Variants in TMEM132D observed in about 807,000 individuals in gnomAD.
The protein encoded by TMEM132D is mature OL transmembrane protein.
A neutral mutation model predicts 62.3 loss-of-function variants in TMEM132D; 21 were observed. The observed-to-expected ratio is 0.34, with a 90% CI of 0.24 to 0.49. The LOEUF is 0.49. Among genes scored for constraint, TMEM132D ranks in the 20% least tolerant of loss-of-function variants. The probability of loss-of-function intolerance (pLI) is 0.99; values close to 1 mark genes in which losing one functional copy is unlikely to be tolerated. For synonymous variants in TMEM132D, 621 were observed against 575.6 expected, an observed-to-expected ratio of 1.08 and a Z score of -1.13; for missense variants, 1,346 against 1,402.8, an observed-to-expected ratio of 0.96 and a Z score of 0.65.
chr12:129,679,332 A>C (rs902063152), intron 2 of TMEM132D, among the ~76,000 whole-genome samples: 2 of 152,100 alleles, frequency 1.3e-5, no homozygotes, highest in African/African-American at 2.4e-5. Context: ...GTTTTGTATT[A>C]ATATTTTGTC....
At chr12:129,664,772 G>A (rs1355695976) in intron 2 of TMEM132D, among the ~76,000 whole-genome samples, 1 of 152,008 alleles carries the variant, frequency 6.6e-6, no homozygotes. Flanking sequence ...TTCAGAGAAG[G>A]TAGAAATCCT....
chr12:129,336,816 C>G (rs73151008), intron 4 of TMEM132D, among the ~76,000 whole-genome samples: 4,237 of 152,276 alleles, frequency 0.028, 214 homozygotes, highest in East Asian at 0.24. Context: ...AGGGCAGCAG[C>G]AGGAGGTGCT....
chr12:129,159,188 G>T (rs1468341226), intron 5 of TMEM132D, among the ~76,000 whole-genome samples: 1 of 152,108 alleles, frequency 6.6e-6, no homozygotes, highest in African/African-American at 2.4e-5. Context: ...GCAAGTATTT[G>T]GTTCTGTTAC....
At chr12:129,544,291 G>T (rs1876673204) in intron 2 of TMEM132D, among the ~76,000 whole-genome samples, 1 of 151,974 alleles carries the variant, frequency 6.6e-6, no homozygotes, top group South Asian at 2.1e-4. Flanking sequence ...TGTTTTTATT[G>T]TTTATTAGGA....
chr12:129,578,425 T>TGTGTGTGC (rs1877741774), intron 2 of TMEM132D, among the ~76,000 whole-genome samples: 2 of 149,414 alleles, frequency 1.3e-5, no homozygotes, highest in Non-Finnish European at 3.0e-5. Flanking sequence ...TGTGTGTGTG[T>TGTGTGTGC]ATATATATAT....
chr12:129,768,125 A>G (rs1870614203), intron 1 of TMEM132D, among the ~76,000 whole-genome samples: 3 of 152,152 alleles, frequency 2.0e-5, no homozygotes, highest in Admixed American at 2.0e-4. Flanking sequence ...TCATGAAGAG[A>G]TTTCTTTGGG....
intron 3 of TMEM132D, among the ~76,000 whole-genome samples, chr12:129,529,217 G>A (rs1379030297): frequency 6.6e-6 from 1 of 152,168 alleles, no homozygotes; most frequent in Non-Finnish European, 1.5e-5. Context: ...GATAAGGAAT[G>A]GTCTTCACTT....
chr12:129,179,169 A>G (rs1395448267), intron 5 of TMEM132D, among the ~76,000 whole-genome samples: 2 of 152,192 alleles, frequency 1.3e-5, no homozygotes, highest in Non-Finnish European at 2.9e-5. Context: ...GTGATCTCAA[A>G]GGAGGATGGA....
intron 2 of TMEM132D, among the ~76,000 whole-genome samples, chr12:129,617,200 T>A (rs925324593): frequency 6.6e-6 from 1 of 152,184 alleles, no homozygotes; most frequent in African/African-American, 2.4e-5. Context: ...AAGGCCATGG[T>A]ACCAACGATT....
chr12:129,587,207 C>T (rs907960187), intron 2 of TMEM132D, among the ~76,000 whole-genome samples: 1 of 152,012 alleles, frequency 6.6e-6, no homozygotes, highest in Non-Finnish European at 1.5e-5. Flanking sequence ...TACTATGCAG[C>T]CATAAAAAAG....
chr12:129,085,934 A>T (rs886273474), intron 5 of TMEM132D: 7 of 152,246 alleles, frequency 4.6e-5, no homozygotes, highest in Admixed American at 1.3e-4. Flanking sequence ...TGTCTTCGGG[A>T]GAGTGTGGGA....
At chr12:129,737,073 C>T (rs1869450602) in intron 1 of TMEM132D, among the ~76,000 whole-genome samples, 1 of 152,210 alleles carries the variant, frequency 6.6e-6, no homozygotes, top group Non-Finnish European at 1.5e-5. Context: ...GCCTCAGCAT[C>T]CCAAAGTGCT....
chr12:129,489,464 T>C (rs1280233398), intron 3 of TMEM132D, among the ~76,000 whole-genome samples: 1 of 152,246 alleles, frequency 6.6e-6, no homozygotes, highest in Non-Finnish European at 1.5e-5. Context: ...GTCATAATTT[T>C]GAGATACTGT....
At chr12:129,522,932 T>C (rs1036461912) in intron 3 of TMEM132D, among the ~76,000 whole-genome samples, 2 of 135,116 alleles carry the variant, frequency 1.5e-5, no homozygotes, top group African/African-American at 2.8e-5. Flanking sequence ...ATAGATTAGA[T>C]ATATATGTAG....
At chr12:129,695,236 G>T (rs968768310) in intron 2 of TMEM132D, among the ~76,000 whole-genome samples, 4 of 152,162 alleles carry the variant, frequency 2.6e-5, no homozygotes, top group Non-Finnish European at 5.9e-5. Flanking sequence ...GACAGCCAAG[G>T]GGGGCAGCAG....
At chr12:129,797,216 T>C (rs2137303118) in intron 1 of TMEM132D, among the ~76,000 whole-genome samples, 1 of 152,282 alleles carries the variant, frequency 6.6e-6, no homozygotes, top group East Asian at 1.9e-4. Flanking sequence ...CCCTCTTTAC[T>C]TTCAGGGTCT....
intron 3 of TMEM132D, among the ~76,000 whole-genome samples, chr12:129,343,860 G>A (rs1869597019): frequency 6.6e-6 from 1 of 152,092 alleles, no homozygotes. Flanking sequence ...GAACACAGGA[G>A]GCAGAGGTTG....
rs376534965 is a variant in TMEM132D at position 129,130,015 on chromosome 12, C to CTGTGTGTGTGTCTGTGTGTG, written c.1444-45314_1444-45313insCACACACAGACACACACACA. Among the ~76,000 whole-genome samples the CTGTGTGTGTGTCTGTGTGTG allele has an allele frequency of 3.8e-3, 535 of 141,950 alleles. 3 individuals carry two copies. The highest frequency in any genetic ancestry group is 5.2e-3 in the Non-Finnish European group (338 of 65,446). The allele number at this position is 141,950 out of a possible 152,430, so 93.1% of individuals were successfully genotyped here. Reference sequence around the variant, plus strand: ...CAAGCTCAAAAATCAAAGCTCTGCTCTGTGTGTGTGTGTGTGTGTGTGTGT... The same window carrying CTGTGTGTGTGTCTGTGTGTG: ...CAAGCTCAAAAATCAAAGCTCTGCTCTGTGTGTGTGTCTGTGTGTGTGTGTGTGTGTGTGTGTGTGTGTGT... On this transcript the variant is annotated intron_variant, in intron 5 of 8. Transcript: ENST00000422113.
intron 1 of TMEM132D, among the ~76,000 whole-genome samples, chr12:129,710,592 C>T (rs111242646): frequency 0.013 from 1,935 of 152,050 alleles, 44 homozygotes; most frequent in African/African-American, 0.043. Context: ...CACCGTGCCC[C>T]GCCGATTATT....
Sources: gnomAD v4.1 joint callset for allele counts (sites outside exome capture counted in the v4.1 genomes callset) on GRCh38, gnomAD v4.1.1 for gene constraint, MANE v1.5 for transcripts, NCBI Gene and HGNC (gene_info 2026-07-23, HGNC 2026-07-21) for gene names.